NF1: variants seen among roughly 807,000 people sequenced by gnomAD.
The protein encoded by NF1 is neurofibromin 1, also known as neurofibromin.
NF1 carries 122 observed loss-of-function variants against 325.7 expected under a neutral mutation model. The observed-to-expected ratio is 0.37, with a 90% CI of 0.32 to 0.44. The LOEUF (loss-of-function observed/expected upper bound fraction) is 0.44. NF1 is among the 20% of genes least tolerant of loss of function. The probability of loss-of-function intolerance (pLI) is 1.00; values close to 1 mark genes in which losing one functional copy is unlikely to be tolerated. For synonymous variants in NF1, 1,091 were observed against 1,186.0 expected (o/e 0.92, Z 1.65); for missense variants, 2,140 against 3,415.4 (o/e 0.63, Z 9.31).
At chr17:31,222,623 G>C (rs1319450682) in intron 15 of NF1, 2 of 721,820 alleles carry the variant, frequency 2.8e-6, no homozygotes, top group African/African-American at 3.8e-5. Flanking sequence ...CTACATTAAA[G>C]AGTAAAAAGA....
intron 36 of NF1, among the ~76,000 whole-genome samples, chr17:31,274,599 C>CA (rs934061080): frequency 1.5e-4 from 22 of 150,672 alleles, no homozygotes; most frequent in East Asian, 1.4e-3. Context: ...AGTAAACAAA[C>CA]AAAAAAAAAC....
chr17:31,217,722 T>C (rs961399608), intron 13 of NF1, among the ~76,000 whole-genome samples: 2 of 151,562 alleles, frequency 1.3e-5, no homozygotes, highest in Non-Finnish European at 2.9e-5. Flanking sequence ...CCCAGCATGT[T>C]GGGAAGCCGA....
intron 47 of NF1, among the ~76,000 whole-genome samples, chr17:31,341,960 A>T (rs2069836667): frequency 6.6e-6 from 1 of 152,160 alleles, no homozygotes; most frequent in Non-Finnish European, 1.5e-5. Flanking sequence ...AATTAACTGA[A>T]CTGTGGGTAC....
chr17:31,335,162 A>C lies in NF1; in HGVS notation c.6006+131A>C, dbSNP rs190162567. ...AAAAACACAGTTTCCTCCTTCAGAA[A>C]GCATGTAGACACTCACCCAGCTCTT... On this transcript the variant is annotated intron_variant, in intron 40 of 57. Coordinates refer to ENST00000358273, the MANE Select transcript of NF1 (RefSeq NM_001042492.3). 694 of 741,374 alleles carry C rather than the reference A, an allele frequency of 9.4e-4. 4 individuals are homozygous for C. In the Middle Eastern group the frequency reaches 0.012, roughly 13 times the overall value. The allele number at this position is 741,374 out of a possible 1,614,324, so 45.9% of individuals were successfully genotyped here.
intron 35 of NF1, 106 bp downstream of exon 35, chr17:31,261,963 T>C: frequency 9.2e-7 from 1 of 1,089,568 alleles, no homozygotes; most frequent in South Asian, 1.3e-5. Flanking sequence ...AGGAAAGATG[T>C]ATTTAATAAT....
intron 40 of NF1, 81 bp downstream of exon 40, chr17:31,335,112 G>A (rs961455933): frequency 2.4e-5 from 28 of 1,175,354 alleles, no homozygotes; most frequent in African/African-American, 4.6e-5. Flanking sequence ...AAAGCACTGC[G>A]CTAGACACTA....
chr17:31,364,058 C>T (rs568159769), intron 57 of NF1, among the ~76,000 whole-genome samples: 2 of 152,258 alleles, frequency 1.3e-5, no homozygotes, highest in East Asian at 3.9e-4. Flanking sequence ...TTCTTTATGG[C>T]GTTGAGTTTG....
At chr17:31,263,075 A>G (rs62070686) in intron 35 of NF1, among the ~76,000 whole-genome samples, 8,665 of 139,988 alleles carry the variant, frequency 0.062, 433 homozygotes, top group African/African-American at 0.14. Context: ...AGGTAGATAG[A>G]TAGGTAGGTA....
chr17:31,268,797 C>T (rs1256622418), intron 36 of NF1, among the ~76,000 whole-genome samples: 1 of 151,766 alleles, frequency 6.6e-6, no homozygotes, highest in East Asian at 2.0e-4. Flanking sequence ...CTCCCAGGCT[C>T]AAACAATCTT....
chr17:31,100,356 C>T (rs575314409), intron 1 of NF1, among the ~76,000 whole-genome samples: 1 of 152,070 alleles, frequency 6.6e-6, no homozygotes, highest in Non-Finnish European at 1.5e-5. Context: ...AAAAATATCT[C>T]CTAGCCTCAT....
At chr17:31,176,605 T>C (rs2066027454) in intron 5 of NF1, among the ~76,000 whole-genome samples, 1 of 152,228 alleles carries the variant, frequency 6.6e-6, no homozygotes, top group African/African-American at 2.4e-5. Context: ...TGAATGGTAT[T>C]GCCTAGGTTT....
At chr17:31,299,315 A>G (rs2068527822) in intron 36 of NF1, among the ~76,000 whole-genome samples, 2 of 151,994 alleles carry the variant, frequency 1.3e-5, no homozygotes, top group Non-Finnish European at 2.9e-5. Context: ...TTCTCATGAA[A>G]TAAAATAATA....
chr17:31,335,298 T>TA lies in NF1; in HGVS notation c.6006+267_6006+268insA, dbSNP rs1378688067. 6.3e-3 allele frequency among the ~76,000 whole-genome samples: 13 copies of TA among 2,080 alleles called. 1 individual carries two copies. The highest frequency in any genetic ancestry group is 0.013 in the Non-Finnish European group (11 of 872). 1.4% of individuals were successfully genotyped at this position (2,080 alleles called of 152,430 possible). On this transcript the variant is annotated intron_variant, in intron 40 of 57. Coordinates refer to ENST00000358273, the MANE Select transcript of NF1 (RefSeq NM_001042492.3). ...ATTATATATATATATATATATATAATTATGCCTTGAAGGAGACTGTGCAAA... is the reference window on the plus strand; with the variant it reads ...ATTATATATATATATATATATATAATATATGCCTTGAAGGAGACTGTGCAAA...
At chr17:31,274,203 G>A (rs753087815) in intron 36 of NF1, among the ~76,000 whole-genome samples, 16 of 152,120 alleles carry the variant, frequency 1.1e-4, no homozygotes, top group Non-Finnish European at 2.1e-4. Flanking sequence ...GTGTGTTTGT[G>A]TATGGTTTTT....
chr17:31,356,939 T>A (rs778328374), intron 52 of NF1, 21 bp from the exon 53 acceptor site: 3 of 1,613,546 alleles, frequency 1.9e-6, no homozygotes, highest in Non-Finnish European at 2.5e-6. Context: ...TTGATCACGT[T>A]AATTCCCTAT....
chr17:31,229,883 A>G lies in NF1; in HGVS notation c.2899A>G (p.Ile967Val), dbSNP rs876660279. 3 of 1,611,872 alleles carry G rather than the reference A, an allele frequency of 1.9e-6. No homozygotes were observed. Among genetic ancestry groups the G allele is most frequent in the East Asian group, 2.2e-5 (1 of 44,872 alleles). The change falls in exon 22 of 58, where the codon ATA becomes GTA. Residue 967 changes from isoleucine (I) to valine (V), a missense_variant. Ile to Val is a conservative substitution (Grantham distance 29). Coordinates refer to ENST00000358273, the MANE Select transcript of NF1 (RefSeq NM_001042492.3). ...TCAATTTGTAGAACAAACCATAGCT[A>G]TAATGAAGAACTTGCTAGATAATCA... is the stretch of plus-strand genomic sequence containing the variant. Reference protein sequence around the residue: ...NTQFVEQTIAIMKNLLDNHTE... With the variant: ...NTQFVEQTIAVMKNLLDNHTE...
chr17:31,346,968 A>T (rs572044373), intron 48 of NF1, among the ~76,000 whole-genome samples: 1 of 151,512 alleles, frequency 6.6e-6, no homozygotes, highest in South Asian at 2.1e-4. Flanking sequence ...TATGAAGAGG[A>T]TCTTATTAAA....
At chr17:31,167,484 T>C (rs2065864388) in intron 4 of NF1, among the ~76,000 whole-genome samples, 1 of 152,244 alleles carries the variant, frequency 6.6e-6, no homozygotes, top group South Asian at 2.1e-4. Flanking sequence ...CAAATTGCAC[T>C]AAATGATTGA....
chr17:31,287,100 T>C (rs1035446503), intron 36 of NF1, among the ~76,000 whole-genome samples: 1 of 152,230 alleles, frequency 6.6e-6, no homozygotes, highest in Non-Finnish European at 1.5e-5. Context: ...AATAATTTTT[T>C]TAGGGGATAA....
Sources: allele counts gnomAD v4.1 joint callset (sites outside exome capture counted in the v4.1 genomes callset), GRCh38; gene constraint gnomAD v4.1.1; transcripts MANE v1.5; gene names NCBI Gene and HGNC (gene_info 2026-07-23, HGNC 2026-07-21).